Variants in PCDHA8 observed in about 807,000 individuals in gnomAD.
PCDHA8 encodes the protein protocadherin alpha-8.
PCDHA8 carries 53 observed loss-of-function variants against 61.8 expected under a neutral mutation model. The ratio of observed to expected loss-of-function variants is 0.86; its 90% CI spans 0.69 to 1.08. PCDHA8 has a LOEUF of 1.08. Ranked by LOEUF, PCDHA8 falls within the 50% of genes least tolerant of loss-of-function variation. The probability of loss-of-function intolerance (pLI) is 0.00; values close to 1 mark genes in which losing one functional copy is unlikely to be tolerated. For missense variants in PCDHA8, 1,293 were observed against 1,245.0 expected (o/e 1.04, Z -0.58); for synonymous variants, 618 against 556.6 (o/e 1.11, Z -1.55).
rs544594142 is a variant in PCDHA8, at chr5:141,011,456, T to C, written c.*1519T>C. On this transcript the variant is annotated 3_prime_UTR_variant, in exon 4 of 4. Transcript: ENST00000531613. Reference sequence around the variant, plus strand: ...TACCTAGAGTGAACTTTAAGCTTTATTGTTGAATGTAATTCCATTATATTT... The same window carrying C: ...TACCTAGAGTGAACTTTAAGCTTTACTGTTGAATGTAATTCCATTATATTT... The C allele has an allele frequency of 1.3e-5, 2 of 153,928 alleles. No homozygotes were observed. The highest frequency in any genetic ancestry group is 6.8e-3 in the Middle Eastern group (2 of 292). 9.5% of individuals were successfully genotyped at this position (153,928 alleles called of 1,614,324 possible).
In PCDHA8 at chr5:141,011,694, G is replaced by A. The variant is rs1473857552; in HGVS notation, c.*1757G>A. 1.3e-5 allele frequency: 2 copies of A among 153,662 alleles called. No individual in the cohort carries two copies. Among genetic ancestry groups the A allele is most frequent in the African/African-American group, 4.8e-5 (2 of 41,412 alleles). The allele number at this position is 153,662 out of a possible 1,614,324, so 9.5% of individuals were successfully genotyped here. On this transcript the variant is annotated 3_prime_UTR_variant, in exon 4 of 4. Coordinates refer to ENST00000531613, the MANE Select transcript of PCDHA8 (RefSeq NM_018911.3). The stretch of plus-strand genomic sequence containing the variant: ...CTGTTTTGTTCTAGTAACAATTTTG[G>A]AATGAATACTGACAATATTCCATGA...
At chr5:140,848,903 A>T in intron 1 of PCDHA8, 1 of 1,607,734 alleles carries the variant, frequency 6.2e-7, no homozygotes, top group Non-Finnish European at 8.5e-7. Context: ...TCCCAGCGAC[A>T]CAAAAGAATC....
chr5:140,985,845 C>T (rs1381097554), intron 3 of PCDHA8, among the ~76,000 whole-genome samples: 1 of 150,700 alleles, frequency 6.6e-6, no homozygotes, highest in African/African-American at 2.4e-5. Flanking sequence ...GTTCATGCCA[C>T]TCTCCTGCCT....
chr5:140,993,631 G>A (rs1466996708), intron 3 of PCDHA8, among the ~76,000 whole-genome samples: 2 of 152,162 alleles, frequency 1.3e-5, no homozygotes, highest in African/African-American at 2.4e-5. Context: ...ATATATAGTC[G>A]TGTACCAAAT....
chr5:140,969,149 G>C (rs782510891), intron 1 of PCDHA8: 3 of 1,614,120 alleles, frequency 1.9e-6, no homozygotes, highest in South Asian at 1.1e-5. Context: ...CTGCTACAAG[G>C]CCTGTCTGAC....
Position 140,841,928 on chromosome 5 carries a change from G to A in PCDHA8, c.607G>A (p.Glu203Lys). The A allele has an allele frequency of 1.2e-6, 2 of 1,613,910 alleles. No individual in the cohort carries two copies. Among genetic ancestry groups the A allele is most frequent in the Admixed American group, 1.7e-5 (1 of 60,012 alleles). The stretch of plus-strand genomic sequence containing the variant: ...CGTATTAAGAAAATCCTTGGACAGA[G>A]AGGACGCTCCTGCGCACCACTTATT... ...ELVLRKSLDR[E>K]DAPAHHLFLT... is the part of the protein sequence containing the mutation. The change falls in exon 1 of 4, where the codon GAG becomes AAG. Residue 203 changes from glutamate (E) to lysine (K), a missense_variant. Glu to Lys is a moderately conservative substitution (Grantham distance 56, BLOSUM62 1). Transcript: ENST00000531613.
chr5:140,927,110 G>A, intron 1 of PCDHA8: 2 of 1,613,752 alleles, frequency 1.2e-6, no homozygotes, highest in Non-Finnish European at 1.7e-6. Flanking sequence ...CTACCCAGCG[G>A]CAATTTGGTG....
chr5:140,992,584 T>G (rs1327367703), intron 3 of PCDHA8, among the ~76,000 whole-genome samples: 1 of 152,194 alleles, frequency 6.6e-6, no homozygotes, highest in Non-Finnish European at 1.5e-5. Context: ...CTGCCTTGTA[T>G]GCATCTAGCG....
At chr5:140,943,509 A>G (rs1053319828) in intron 1 of PCDHA8, among the ~76,000 whole-genome samples, 1 of 152,132 alleles carries the variant, frequency 6.6e-6, no homozygotes, top group East Asian at 1.9e-4. Flanking sequence ...GGTTCATGGA[A>G]ATGTTGAGTT....
At chr5:140,941,331 T>G (rs1277354289) in intron 1 of PCDHA8, among the ~76,000 whole-genome samples, 1 of 148,120 alleles carries the variant, frequency 6.8e-6, no homozygotes. Context: ...TTTTTTTTTT[T>G]TTTCAGATGG....
chr5:140,883,315 G>A (rs782377860), intron 1 of PCDHA8: 1 of 1,614,104 alleles, frequency 6.2e-7, no homozygotes, highest in Admixed American at 1.7e-5. Flanking sequence ...ACGCCCCAGA[G>A]GTTACCATCA....
chr5:140,959,163 C>T (rs246007), intron 1 of PCDHA8, among the ~76,000 whole-genome samples: 85,446 of 151,632 alleles, frequency 0.56, 24,671 homozygotes, highest in African/African-American at 0.69. Context: ...GATTGCTTGA[C>T]CCCAGGAGTT....
intron 3 of PCDHA8, among the ~76,000 whole-genome samples, chr5:141,007,967 G>A (rs1191510244): frequency 6.6e-6 from 1 of 152,176 alleles, no homozygotes; most frequent in Admixed American, 6.5e-5. Flanking sequence ...TTCTCTGGGT[G>A]TCTGTCATGT....
chr5:140,991,837 C>T (rs1379982421), intron 3 of PCDHA8, among the ~76,000 whole-genome samples: 3 of 152,158 alleles, frequency 2.0e-5, no homozygotes, highest in African/African-American at 7.2e-5. Context: ...ACGGCAGAAC[C>T]GCACTTCCAG....
chr5:140,849,743 G>A lies in PCDHA8; in HGVS notation c.2394+6028G>A, dbSNP rs1554143245. ...TGCTGGACAGAGCTCTGGACCGCGA[G>A]AGTGTGTCCGCCTACGAGCTGGTGG... On this transcript the variant is annotated intron_variant, in intron 1 of 3. Transcript: ENST00000531613. 4 of 1,598,390 alleles carry A rather than the reference G, an allele frequency of 2.5e-6. No individual in the cohort carries two copies. The Admixed American group carries it at 6.7e-5, about 27-fold the overall frequency.
chr5:140,988,818 CCAAA>C (rs1193685505), intron 3 of PCDHA8: 2 of 152,060 alleles, frequency 1.3e-5, no homozygotes, highest in Non-Finnish European at 2.9e-5. Flanking sequence ...AACAGTAGCC[CCAAA>C]CAGAGATCAC....
At chr5:140,939,060 A>G (rs1435006375) in intron 1 of PCDHA8, among the ~76,000 whole-genome samples, 1 of 152,208 alleles carries the variant, frequency 6.6e-6, no homozygotes, top group Non-Finnish European at 1.5e-5. Flanking sequence ...TTGGGCTGCT[A>G]TATCAAAATA....
intron 1 of PCDHA8, among the ~76,000 whole-genome samples, chr5:140,901,078 T>TAAA (rs1554189579): frequency 6.6e-6 from 1 of 152,120 alleles, no homozygotes; most frequent in East Asian, 1.9e-4. Flanking sequence ...TTCTATAGAG[T>TAAA]TGTTTGAGCT....
chr5:140,855,868 A>C, intron 1 of PCDHA8: 1 of 837,366 alleles, frequency 1.2e-6, no homozygotes, highest in Non-Finnish European at 1.8e-6. Flanking sequence ...GCTGTCGTCC[A>C]CAAAATAGCT....
Sources: gnomAD v4.1 joint callset for allele counts (sites outside exome capture counted in the v4.1 genomes callset) on GRCh38, gnomAD v4.1.1 for gene constraint, MANE v1.5 for transcripts, NCBI Gene and HGNC (gene_info 2026-07-23, HGNC 2026-07-21) for gene names.